LARGE1: variants seen among roughly 807,000 people sequenced by gnomAD.
The protein encoded by LARGE1 is xylosyl- and glucuronyltransferase LARGE1.
LARGE1 carries 43 observed loss-of-function variants against 87.6 expected under a neutral mutation model. The observed-to-expected ratio is 0.49, with a 90% CI of 0.38 to 0.63. The LOEUF (loss-of-function observed/expected upper bound fraction) is 0.63. Ranked by LOEUF, LARGE1 falls within the 30% of genes least tolerant of loss-of-function variation. The probability of loss-of-function intolerance (pLI) is 0.00; values close to 1 mark genes in which losing one functional copy is unlikely to be tolerated. For missense variants in LARGE1, 802 were observed against 1,000.2 expected, an observed-to-expected ratio of 0.80 and a Z score of 2.67; for synonymous variants, 434 against 394.6, an observed-to-expected ratio of 1.10 and a Z score of -1.18.
intron 9 of LARGE1, among the ~76,000 whole-genome samples, chr22:33,354,907 T>C (rs1569087408): frequency 6.6e-6 from 1 of 152,232 alleles, no homozygotes; most frequent in East Asian, 1.9e-4. Flanking sequence ...TTCAATAATA[T>C]TGCTATGTTT....
At position 33,376,525 on chromosome 22, in the gene LARGE1, G is replaced by A. The variant is rs540631522; in HGVS notation, c.1131+5394C>T. Among the ~76,000 whole-genome samples, 7 of 152,316 alleles carry A rather than the reference G, an allele frequency of 4.6e-5. No individual in the cohort carries two copies. The South Asian group carries it at 1.0e-3, about 23-fold the overall frequency. ...AGACATTCAAACTGCAAACCAGGAC[G>A]AGAGTTGATTGTTTTCATGCTGTAG... is the stretch of plus-strand genomic sequence containing the variant. On this transcript the variant is annotated intron_variant, in intron 9 of 14. Coordinates refer to ENST00000397394, the MANE Select transcript of LARGE1 (RefSeq NM_133642.5).
intron 2 of LARGE1, among the ~76,000 whole-genome samples, chr22:33,663,413 C>A (rs974658858): frequency 6.6e-6 from 1 of 152,102 alleles, no homozygotes; most frequent in African/African-American, 2.4e-5. Context: ...AACTAAGAAC[C>A]CTCAACTCAA....
intron 7 of LARGE1, among the ~76,000 whole-genome samples, chr22:33,391,229 G>A (rs1447064929): frequency 2.0e-5 from 3 of 152,026 alleles, no homozygotes; most frequent in Non-Finnish European, 4.4e-5. Context: ...TTTTTTATTT[G>A]AGCACCTGCT....
chr22:33,386,660 C>T (rs28664958), intron 7 of LARGE1, among the ~76,000 whole-genome samples: 4,882 of 148,508 alleles, frequency 0.033, 420 homozygotes, highest in African/African-American at 0.11. Context: ...GGAAATTGTT[C>T]GCCATAAATG....
In LARGE1 at chr22:33,384,240, G is replaced by T. The variant is rs778094231; in HGVS notation, c.957C>A (p.Thr319=). ...KMKWEQMWRL[T]AERELMGMLS... is the part of the protein sequence containing the mutation. ...GCATGCCCATGAGCTCCCTCTCTGCGGTCAGCCTCCACATCTGCTCCCATT... is the reference window on the plus strand; with the variant it reads ...GCATGCCCATGAGCTCCCTCTCTGCTGTCAGCCTCCACATCTGCTCCCATT... Residue 319 remains threonine (T), a synonymous_variant, in exon 8 of 15, where the codon ACC becomes ACA. Coordinates refer to ENST00000397394, the MANE Select transcript of LARGE1 (RefSeq NM_133642.5). 4 of 1,614,106 alleles carry T rather than the reference G, an allele frequency of 2.5e-6. No homozygotes were observed. The highest frequency in any genetic ancestry group is 8.5e-7 in the Non-Finnish European group (1 of 1,180,034).
chr22:33,488,901 T>C (rs2069701983), intron 6 of LARGE1, among the ~76,000 whole-genome samples: 1 of 152,182 alleles, frequency 6.6e-6, no homozygotes, highest in African/African-American at 2.4e-5. Context: ...ACACCCAACT[T>C]GAAAAACTTC....
At chr22:33,164,155 G>A (rs1435398061) in exon 12 of LARGE1, 2 of 152,124 alleles carry the variant, frequency 1.3e-5, no homozygotes, top group African/African-American at 4.8e-5. Context: ...ACAGTGCTGG[G>A]AACATAATCC....
At chr22:33,708,027 C>T (rs950697119) in intron 2 of LARGE1, among the ~76,000 whole-genome samples, 10 of 152,104 alleles carry the variant, frequency 6.6e-5, no homozygotes, top group African/African-American at 1.4e-4. Context: ...ACCAGGCTGA[C>T]GATGTCCAAG....
chr22:33,890,648 AACT>A lies in LARGE1; in HGVS notation c.-83+29344_-83+29346del, dbSNP rs1396439683. 5.3e-5 allele frequency among the ~76,000 whole-genome samples: 8 copies of A among 152,344 alleles called. No homozygotes were observed. The East Asian group carries it at 1.5e-3, about 29-fold the overall frequency. ...CTGCACATAATGCTGTCAAGGTTTA[AACT>A]ACAACAAGCTATTTCAAATTTATTT... On this transcript the variant is annotated intron_variant, in intron 1 of 14. Transcript: ENST00000397394.
chr22:33,400,443 G>C (rs1477644750), intron 7 of LARGE1, among the ~76,000 whole-genome samples: 1 of 152,170 alleles, frequency 6.6e-6, no homozygotes, highest in African/African-American at 2.4e-5. Context: ...ACCAGCTACC[G>C]AAAAATGGCT....
intron 10 of LARGE1, among the ~76,000 whole-genome samples, chr22:33,329,301 TTGGTGTCCAGTGTATTTTTTTTTTG>T (rs1937502155): frequency 1.7e-5 from 2 of 120,206 alleles, no homozygotes; most frequent in South Asian, 2.6e-4. Context: ...CAAAAATTCA[TTGGTGTCCAGTGTATTTTTTTTTTG>T]TAGTTTGTGG....
intron 1 of LARGE1, among the ~76,000 whole-genome samples, chr22:33,832,216 C>T (rs574939189): frequency 6.6e-6 from 1 of 152,298 alleles, no homozygotes; most frequent in East Asian, 1.9e-4. Flanking sequence ...ACATGCAGAG[C>T]TCACTTAGCT....
chr22:33,197,639 T>C (rs1924148464), intron 11 of LARGE1, among the ~76,000 whole-genome samples: 1 of 151,984 alleles, frequency 6.6e-6, no homozygotes, highest in African/African-American at 2.4e-5. Flanking sequence ...CTTAAAGAAG[T>C]TCTAAATAAA....
chr22:33,798,994 C>G (rs1360461757), intron 1 of LARGE1, among the ~76,000 whole-genome samples: 1 of 152,100 alleles, frequency 6.6e-6, no homozygotes, highest in African/African-American at 2.4e-5. Context: ...CACTGTGGAC[C>G]CTGGCCATCT....
At chr22:33,679,423 C>T (rs2081678212) in intron 2 of LARGE1, among the ~76,000 whole-genome samples, 2 of 151,848 alleles carry the variant, frequency 1.3e-5, no homozygotes, top group South Asian at 4.2e-4. Flanking sequence ...CCATTATAAC[C>T]AATGTTCTTA....
intron 9 of LARGE1, among the ~76,000 whole-genome samples, chr22:33,375,340 G>A (rs987305319): frequency 2.6e-5 from 4 of 151,782 alleles, no homozygotes; most frequent in Non-Finnish European, 4.4e-5. Flanking sequence ...TATTTTTTAC[G>A]GTAATATGGT....
chr22:33,279,728 G>C (rs1197581311), intron 13 of LARGE1, among the ~76,000 whole-genome samples: 1 of 152,254 alleles, frequency 6.6e-6, no homozygotes, highest in African/African-American at 2.4e-5. Context: ...TATTGCGGGA[G>C]ATGTCAATTT....
intron 3 of LARGE1, among the ~76,000 whole-genome samples, chr22:33,649,879 A>G (rs932708589): frequency 1.3e-5 from 2 of 152,236 alleles, no homozygotes; most frequent in African/African-American, 4.8e-5. Context: ...TTAGGCTATA[A>G]AAGTTCAAAT....
intron 7 of LARGE1, among the ~76,000 whole-genome samples, chr22:33,415,006 C>T (rs73405393): frequency 0.014 from 2,190 of 152,264 alleles, 44 homozygotes; most frequent in African/African-American, 0.048. Context: ...TTATAGCAGC[C>T]AGAATGGACT....
Sources: allele counts gnomAD v4.1 joint callset (sites outside exome capture counted in the v4.1 genomes callset), GRCh38; gene constraint gnomAD v4.1.1; transcripts MANE v1.5; gene names NCBI Gene and HGNC (gene_info 2026-07-23, HGNC 2026-07-21).